Variants in EFCAB13 observed in about 807,000 individuals in gnomAD.
EFCAB13 encodes EF-hand calcium-binding domain-containing protein 13.
Under a neutral mutation model 110.2 loss-of-function variants are expected in EFCAB13, and 91 were observed. That is an observed-to-expected ratio of 0.83 (90% CI 0.70 to 0.98). EFCAB13 has a LOEUF of 0.98. Among genes scored for constraint, EFCAB13 ranks in the 50% least tolerant of loss-of-function variants. The pLI is 0.00. For missense variants in EFCAB13, 968 were observed against 1,119.4 expected (o/e 0.86, Z 1.93); for synonymous variants, 323 against 369.9 (o/e 0.87, Z 1.45).
At chr17:47,355,570 A>ATTTT (rs71365066) in intron 9 of EFCAB13, among the ~76,000 whole-genome samples, 8 of 120,338 alleles carry the variant, frequency 6.6e-5, no homozygotes, top group Admixed American at 1.7e-4. Flanking sequence ...GGCTTTGTTC[A>ATTTT]TTTTTTTTTT....
At chr17:47,378,913 A>C (rs533062225) in intron 13 of EFCAB13, among the ~76,000 whole-genome samples, 6 of 151,882 alleles carry the variant, frequency 4.0e-5, no homozygotes, top group African/African-American at 1.5e-4. Context: ...AGTCCTTTGC[A>C]TGTAATAGAT....
intron 6 of EFCAB13, among the ~76,000 whole-genome samples, chr17:47,342,691 A>G (rs1366761198): frequency 1.3e-5 from 2 of 152,108 alleles, no homozygotes; most frequent in African/African-American, 4.8e-5. Context: ...CTAATATGTT[A>G]TCTTTTAGAT....
chr17:47,349,784 T>C (rs1197234256), intron 9 of EFCAB13, among the ~76,000 whole-genome samples: 24 of 116,258 alleles, frequency 2.1e-4, no homozygotes. Flanking sequence ...TTTTTTTTTT[T>C]TGAGACGGAG....
At chr17:47,414,820 G>A in intron 22 of EFCAB13, 28 bp from the exon 23 acceptor site, 1 of 1,476,618 alleles carries the variant, frequency 6.8e-7, no homozygotes, top group Non-Finnish European at 9.4e-7. Flanking sequence ...GGTTTTTAAT[G>A]TCAGCATTTT....
chr17:47,338,877 C>G (rs2065367334), intron 5 of EFCAB13, among the ~76,000 whole-genome samples: 1 of 150,612 alleles, frequency 6.6e-6, no homozygotes, highest in African/African-American at 2.4e-5. Context: ...GATACTTTTT[C>G]TTGGAGAAAT....
At chr17:47,344,955 T>A (rs2065406855) in intron 7 of EFCAB13, 61 bp from the exon 8 acceptor site, 1 of 1,277,412 alleles carries the variant, frequency 7.8e-7, no homozygotes. Flanking sequence ...TTTGCTAATA[T>A]TTTAAAATGG....
chr17:47,421,297 C>T (rs1904697298), intron 23 of EFCAB13, among the ~76,000 whole-genome samples: 1 of 152,164 alleles, frequency 6.6e-6, no homozygotes. Context: ...TTGCTCTGTA[C>T]TAAGAAAAAT....
intron 17 of EFCAB13, among the ~76,000 whole-genome samples, chr17:47,398,776 T>C (rs1295890555): frequency 6.6e-6 from 1 of 151,442 alleles, no homozygotes; most frequent in East Asian, 2.0e-4. Context: ...GTTTATCTGC[T>C]GACCTTGCCT....
intron 9 of EFCAB13, among the ~76,000 whole-genome samples, chr17:47,360,886 G>GT (rs937816398): frequency 2.6e-5 from 4 of 151,830 alleles, no homozygotes; most frequent in East Asian, 1.9e-4. Context: ...TTTTAAGGAA[G>GT]TTTTTTTTGT....
At chr17:47,407,604 G>A (rs1177073872) in intron 20 of EFCAB13, among the ~76,000 whole-genome samples, 1 of 152,136 alleles carries the variant, frequency 6.6e-6, no homozygotes, top group Non-Finnish European at 1.5e-5. Context: ...AAATCCAGAT[G>A]TACTTGAAAA....
chr17:47,343,385 T>A (rs912476540), intron 6 of EFCAB13, among the ~76,000 whole-genome samples: 3 of 152,094 alleles, frequency 2.0e-5, no homozygotes. Context: ...GGAGGAATAG[T>A]CTTTCTTTTT....
At chr17:47,347,785 A>G in intron 8 of EFCAB13, 23 bp from the exon 9 acceptor site, 4 of 1,377,296 alleles carry the variant, frequency 2.9e-6, no homozygotes, top group Non-Finnish European at 3.8e-6. Context: ...TAACTAACTA[A>G]ATGTTTTGTT....
chr17:47,404,370 T>C (rs1341251741), intron 19 of EFCAB13, among the ~76,000 whole-genome samples, 192 bp from the exon 20 acceptor site: 3 of 152,184 alleles, frequency 2.0e-5, no homozygotes, highest in Non-Finnish European at 2.9e-5. Context: ...CCATTATAGG[T>C]AGAATCAGAA....
rs186970809 is a variant in EFCAB13, at chr17:47,438,720, G to A, written c.2639-1711G>A. On this transcript the variant is annotated intron_variant, in intron 24 of 24. Transcript: ENST00000331493. ...CTTGTATCATATTTTGGATTTCCTTGCATTGGGCTTTGTCTTTCTCTGGTC... is the reference window on the plus strand; with the variant it reads ...CTTGTATCATATTTTGGATTTCCTTACATTGGGCTTTGTCTTTCTCTGGTC... Among the ~76,000 whole-genome samples the A allele has an allele frequency of 4.2e-3, 635 of 151,946 alleles. 6 individuals carry two copies. The highest frequency in any genetic ancestry group is 0.015 in the African/African-American group (617 of 41,440).
At chr17:47,401,126 C>T (rs1045909434) in intron 17 of EFCAB13, among the ~76,000 whole-genome samples, 2 of 152,128 alleles carry the variant, frequency 1.3e-5, no homozygotes, top group African/African-American at 2.4e-5. Flanking sequence ...AAAAGACATG[C>T]GTTTTTACTC....
intron 9 of EFCAB13, among the ~76,000 whole-genome samples, chr17:47,353,661 A>G (rs934924703): frequency 3.3e-5 from 5 of 152,220 alleles, no homozygotes; most frequent in Non-Finnish European, 5.9e-5. Context: ...TGGATTAGCA[A>G]GTAAAGGGCA....
intron 24 of EFCAB13, among the ~76,000 whole-genome samples, chr17:47,438,547 T>C (rs1905254072): frequency 6.6e-6 from 1 of 151,478 alleles, no homozygotes; most frequent in African/African-American, 2.4e-5. Context: ...GAAGAACTTA[T>C]CTTCGAGCTC....
At chr17:47,330,661 G>A (rs1365654843) in intron 4 of EFCAB13, among the ~76,000 whole-genome samples, 2 of 151,936 alleles carry the variant, frequency 1.3e-5, no homozygotes, top group African/African-American at 2.4e-5. Context: ...GTAGTATTCC[G>A]TAGTATATAT....
intron 24 of EFCAB13, among the ~76,000 whole-genome samples, chr17:47,435,683 A>G (rs9899859): frequency 0.63 from 95,989 of 151,826 alleles, 30,758 homozygotes; most frequent in African/African-American, 0.71. Context: ...AGTTCTAGGA[A>G]CCTTCAGGAG....
Sources: gnomAD v4.1 joint callset for allele counts (sites outside exome capture counted in the v4.1 genomes callset) on GRCh38, gnomAD v4.1.1 for gene constraint, MANE v1.5 for transcripts, NCBI Gene and HGNC (gene_info 2026-07-23, HGNC 2026-07-21) for gene names.